The following GRID1 variants were observed in gnomAD, a reference collection of about 807,000 sequenced individuals.
GRID1 encodes the protein glutamate receptor ionotropic, delta-1.
GRID1 carries 28 observed loss-of-function variants against 98.0 expected under a neutral mutation model. The ratio of observed to expected loss-of-function variants is 0.29; its 90% CI spans 0.21 to 0.39. The LOEUF is 0.39. GRID1 is among the 10% of genes least tolerant of loss of function. GRID1 has a pLI of 1.00. For missense variants in GRID1, 1,111 were observed against 1,340.5 expected (o/e 0.83, Z 2.67); for synonymous variants, 553 against 538.5 (o/e 1.03, Z -0.37).
intron 8 of GRID1, among the ~76,000 whole-genome samples, chr10:85,770,570 AC>A (rs1002121429): frequency 3.3e-5 from 5 of 152,164 alleles, no homozygotes; most frequent in African/African-American, 1.2e-4. Context: ...GAAGTTGAAA[AC>A]TTTGAAAAAA....
chr10:86,343,340 G>A (rs933137847), intron 2 of GRID1, among the ~76,000 whole-genome samples: 2 of 152,214 alleles, frequency 1.3e-5, no homozygotes, highest in Non-Finnish European at 2.9e-5. Context: ...GAGATGGTAT[G>A]TTACTGGGAG....
intron 2 of GRID1, among the ~76,000 whole-genome samples, chr10:86,318,313 G>A (rs1847925931): frequency 6.6e-6 from 1 of 152,232 alleles, no homozygotes; most frequent in African/African-American, 2.4e-5. Flanking sequence ...CACATCGCAT[G>A]TAACTCAGAC....
chr10:85,675,352 G>C (rs191583417), intron 12 of GRID1, among the ~76,000 whole-genome samples: 1 of 152,224 alleles, frequency 6.6e-6, no homozygotes, highest in Non-Finnish European at 1.5e-5. Context: ...AGCTATTCCA[G>C]ATCCTCCTAG....
At chr10:86,314,446 C>G (rs7904194) in intron 2 of GRID1, among the ~76,000 whole-genome samples, 9,656 of 152,328 alleles carry the variant, frequency 0.063, 570 homozygotes, top group African/African-American at 0.15. Flanking sequence ...CATCTGCCTC[C>G]CTGACCCCTC....
intron 8 of GRID1, among the ~76,000 whole-genome samples, chr10:85,836,891 A>G (rs553063894): frequency 9.9e-5 from 15 of 152,284 alleles, no homozygotes; most frequent in African/African-American, 2.6e-4. Flanking sequence ...TCTGCACCAG[A>G]GGACCAAGCC....
chr10:86,357,561 C>A (rs11201992), intron 2 of GRID1, among the ~76,000 whole-genome samples: 86,932 of 152,054 alleles, frequency 0.57, 27,184 homozygotes, highest in African/African-American at 0.82. Flanking sequence ...AGTGTGTGTG[C>A]CCTCATGCAT....
chr10:85,898,523 AAC>A (rs1436127703), intron 5 of GRID1, among the ~76,000 whole-genome samples: 4 of 152,190 alleles, frequency 2.6e-5, no homozygotes, highest in Non-Finnish European at 4.4e-5. Context: ...TTACAACACA[AAC>A]ACAATGTATA....
intron 10 of GRID1, among the ~76,000 whole-genome samples, chr10:85,726,587 C>T (rs575028026): frequency 1.6e-4 from 25 of 152,154 alleles, no homozygotes; most frequent in Non-Finnish European, 2.6e-4. Context: ...CCATAGAGGA[C>T]GCAGTATCAG....
chr10:85,795,942 A>G (rs1369544803), intron 8 of GRID1, among the ~76,000 whole-genome samples: 1 of 152,218 alleles, frequency 6.6e-6, no homozygotes, highest in Non-Finnish European at 1.5e-5. Context: ...GAAGAGACAG[A>G]AAAAATGACA....
intron 4 of GRID1, among the ~76,000 whole-genome samples, chr10:85,988,785 CT>C (rs1300833135): frequency 6.6e-6 from 1 of 152,180 alleles, no homozygotes; most frequent in African/African-American, 2.4e-5. Flanking sequence ...GTTTATACAA[CT>C]TGGGAGGATT....
chr10:85,615,749 G>A (rs1168828590), intron 14 of GRID1, among the ~76,000 whole-genome samples: 6 of 152,188 alleles, frequency 3.9e-5, no homozygotes, highest in African/African-American at 9.7e-5. Context: ...GGCCAACTCC[G>A]TGGCTACATG....
chr10:85,820,676 T>G (rs1476110913), intron 8 of GRID1, among the ~76,000 whole-genome samples: 1 of 152,182 alleles, frequency 6.6e-6, no homozygotes, highest in East Asian at 1.9e-4. Flanking sequence ...TCTAAAATTA[T>G]TTTTTTAATT....
Position 85,865,954 on chromosome 10 carries a change from TGGAG to T in GRID1, c.951+3052_951+3055del, listed in dbSNP as rs1240814117. ...ATATATATATATATACACATATATATGGAGAGAGAGAGAGAGAGAGAGAGAGAGA... is the reference window on the plus strand; with the variant it reads ...ATATATATATATATACACATATATATAGAGAGAGAGAGAGAGAGAGAGAGA... On this transcript the variant is annotated intron_variant, in intron 6 of 15. Transcript: ENST00000327946. Among the ~76,000 whole-genome samples, 183 of 54,486 alleles carry T rather than the reference TGGAG, an allele frequency of 3.4e-3. 2 individuals carry two copies. The highest frequency in any genetic ancestry group is 0.014 in the Middle Eastern group (1 of 72). 35.7% of individuals were successfully genotyped at this position (54,486 alleles called of 152,430 possible).
chr10:85,901,319 T>C (rs1589292663), intron 5 of GRID1, among the ~76,000 whole-genome samples: 1 of 151,970 alleles, frequency 6.6e-6, no homozygotes, highest in South Asian at 2.1e-4. Context: ...GATCTTGGCT[T>C]ACTGCCAAGC....
chr10:86,270,221 A>G (rs1847163939), intron 2 of GRID1, among the ~76,000 whole-genome samples: 1 of 152,114 alleles, frequency 6.6e-6, no homozygotes, highest in South Asian at 2.1e-4. Context: ...GGGGCTATGC[A>G]TTGTTCCATT....
chr10:86,290,072 C>G (rs992787019), intron 2 of GRID1, among the ~76,000 whole-genome samples: 7 of 152,226 alleles, frequency 4.6e-5, no homozygotes, highest in African/African-American at 1.7e-4. Flanking sequence ...ATCCTTGGAC[C>G]ACTTTGTCAT....
chr10:85,607,925 C>T (rs763839602), intron 15 of GRID1, among the ~76,000 whole-genome samples: 4 of 151,800 alleles, frequency 2.6e-5, no homozygotes, highest in African/African-American at 2.4e-5. Context: ...TCAAGCAATC[C>T]TCTTGCCTCA....
chr10:86,032,331 A>G (rs968557758), intron 4 of GRID1, among the ~76,000 whole-genome samples: 10 of 152,204 alleles, frequency 6.6e-5, no homozygotes, highest in African/African-American at 2.4e-4. Flanking sequence ...AGGTGTACCC[A>G]GCAGCTCATT....
At chr10:85,723,664 C>G (rs969287231) in intron 11 of GRID1, among the ~76,000 whole-genome samples, 2 of 152,132 alleles carry the variant, frequency 1.3e-5, no homozygotes, top group Non-Finnish European at 2.9e-5. Flanking sequence ...TTTTCTTCCC[C>G]CAGAATTCTC....
Sources: allele counts gnomAD v4.1 joint callset (sites outside exome capture counted in the v4.1 genomes callset), GRCh38; gene constraint gnomAD v4.1.1; transcripts MANE v1.5; gene names NCBI Gene and HGNC (gene_info 2026-07-23, HGNC 2026-07-21).